Variants in MYO3B observed in about 807,000 individuals in gnomAD.
The protein encoded by MYO3B is myosin-IIIb.
Under a neutral mutation model 174.6 loss-of-function variants are expected in MYO3B, and 156 were observed. The observed-to-expected ratio is 0.89, with a 90% CI of 0.78 to 1.02. MYO3B has a LOEUF of 1.02. Ranked by LOEUF, MYO3B falls within the 50% of genes least tolerant of loss-of-function variation. The probability of loss-of-function intolerance (pLI) is 0.00; values close to 1 mark genes in which losing one functional copy is unlikely to be tolerated. For missense variants in MYO3B, 1,632 were observed against 1,639.4 expected (o/e 1.00, Z 0.08); for synonymous variants, 563 against 569.1 (o/e 0.99, Z 0.15).
At chr2:170,399,958 G>A (rs907315613) in intron 16 of MYO3B, among the ~76,000 whole-genome samples, 3 of 152,156 alleles carry the variant, frequency 2.0e-5, no homozygotes, top group Non-Finnish European at 2.9e-5. Context: ...TGCTCATGCC[G>A]GTAAGGCCTG....
intron 25 of MYO3B, among the ~76,000 whole-genome samples, chr2:170,497,717 C>T (rs1029216807): frequency 2.0e-5 from 3 of 152,052 alleles, no homozygotes; most frequent in South Asian, 2.1e-4. Flanking sequence ...TGAATTGGTA[C>T]GCATTTCTCT....
intron 7 of MYO3B, among the ~76,000 whole-genome samples, chr2:170,238,224 T>A (rs1311499804): frequency 1.3e-5 from 2 of 152,198 alleles, no homozygotes; most frequent in Non-Finnish European, 2.9e-5. Flanking sequence ...TAAAAATGTA[T>A]CCTTTCCCCA....
In MYO3B at chr2:170,277,178, T is replaced by G. The variant is rs144813383; in HGVS notation, c.749+41042T>G. Reference sequence around the variant, plus strand: ...CAAATGAGTGCCAGAAATGCAGGGCTTCAGCAGCACCTAGAAGTCCAGGTT... The same window carrying G: ...CAAATGAGTGCCAGAAATGCAGGGCGTCAGCAGCACCTAGAAGTCCAGGTT... On this transcript the variant is annotated intron_variant, in intron 7 of 34. Transcript: ENST00000408978. Among the ~76,000 whole-genome samples, 767 of 152,318 alleles carry G rather than the reference T, an allele frequency of 5.0e-3. 4 individuals carry two copies. The Middle Eastern group carries it at 0.051, about 10-fold the overall frequency.
At position 170,465,299 on chromosome 2, in the gene MYO3B, G is replaced by T. The variant is rs115494604; in HGVS notation, c.2809-1207G>T. Among the ~76,000 whole-genome samples, 364 of 152,276 alleles carry T rather than the reference G, an allele frequency of 2.4e-3. 3 individuals are homozygous for T. The highest frequency in any genetic ancestry group is 8.3e-3 in the South Asian group (40 of 4,814). On this transcript the variant is annotated intron_variant, in intron 24 of 34. Coordinates refer to ENST00000408978, the MANE Select transcript of MYO3B (RefSeq NM_138995.5). ...GGGAGCTTTTACTCATAGAGCAGGCGTGTTACATGGCAAGAGAGGGAGGAA... is the reference window on the plus strand; with the variant it reads ...GGGAGCTTTTACTCATAGAGCAGGCTTGTTACATGGCAAGAGAGGGAGGAA...
chr2:170,294,056 T>C (rs1394216627), intron 7 of MYO3B, among the ~76,000 whole-genome samples: 1 of 152,194 alleles, frequency 6.6e-6, no homozygotes, highest in Non-Finnish European at 1.5e-5. Context: ...TGTTCAAATT[T>C]TGTAGCTTCA....
chr2:170,382,136 T>G (rs1324796072), intron 10 of MYO3B, 24 bp downstream of exon 10: 2 of 1,574,942 alleles, frequency 1.3e-6, no homozygotes, highest in African/African-American at 2.7e-5. Context: ...AGTAGACAAT[T>G]CTCATTGAAG....
intron 22 of MYO3B, among the ~76,000 whole-genome samples, chr2:170,419,438 G>T (rs2094601486): frequency 6.6e-6 from 1 of 152,082 alleles, no homozygotes; most frequent in Non-Finnish European, 1.5e-5. Flanking sequence ...AATGGATTAG[G>T]ACCCACTCTT....
intron 9 of MYO3B, among the ~76,000 whole-genome samples, chr2:170,374,011 T>A (rs140487555): frequency 1.9e-3 from 292 of 152,310 alleles, no homozygotes; most frequent in African/African-American, 6.9e-3. Context: ...AGCATCCTAT[T>A]GTAGTGAAGT....
chr2:170,420,188 A>G (rs1372759485), intron 22 of MYO3B, among the ~76,000 whole-genome samples: 2 of 152,188 alleles, frequency 1.3e-5, no homozygotes, highest in Admixed American at 6.5e-5. Context: ...GACAGTCTCA[A>G]AAAACAAACA....
chr2:170,510,541 A>G (rs1032983850), intron 28 of MYO3B, among the ~76,000 whole-genome samples: 32 of 152,196 alleles, frequency 2.1e-4, no homozygotes, highest in Admixed American at 1.0e-3. Context: ...ATTCATGTCC[A>G]TTCAGAACCT....
chr2:170,540,978 A>T (rs1690067718), intron 30 of MYO3B, among the ~76,000 whole-genome samples: 1 of 152,180 alleles, frequency 6.6e-6, no homozygotes, highest in South Asian at 2.1e-4. Flanking sequence ...TTGCCTGTAG[A>T]CACTACTCCC....
At chr2:170,310,172 A>G (rs1253429588) in intron 7 of MYO3B, among the ~76,000 whole-genome samples, 1 of 152,240 alleles carries the variant, frequency 6.6e-6, no homozygotes, top group Non-Finnish European at 1.5e-5. Flanking sequence ...TCATCCATTG[A>G]TGAACATTTG....
intron 7 of MYO3B, among the ~76,000 whole-genome samples, chr2:170,290,674 G>A (rs2883756): frequency 0.99 from 150,613 of 152,254 alleles, 74,516 homozygotes; most frequent in Middle Eastern, 1. Context: ...GACTTTTTAC[G>A]TTCAGTGTTA....
intron 22 of MYO3B, among the ~76,000 whole-genome samples, chr2:170,410,787 C>T (rs1341779195): frequency 6.6e-6 from 1 of 151,864 alleles, no homozygotes; most frequent in Non-Finnish European, 1.5e-5. Context: ...ATTTATTATG[C>T]TGTACATTTA....
chr2:170,241,720 A>T (rs1436870955), intron 7 of MYO3B, among the ~76,000 whole-genome samples: 1 of 152,136 alleles, frequency 6.6e-6, no homozygotes, highest in Non-Finnish European at 1.5e-5. Context: ...ACTGCTTGAA[A>T]TATTTGTGTG....
At chr2:170,563,334 C>T (rs1010327771) in intron 32 of MYO3B, among the ~76,000 whole-genome samples, 2 of 151,922 alleles carry the variant, frequency 1.3e-5, no homozygotes, top group African/African-American at 4.8e-5. Context: ...ACCACATACA[C>T]GTAAAGGAGC....
chr2:170,402,051 G>A (rs937032981), intron 18 of MYO3B, among the ~76,000 whole-genome samples: 8 of 152,212 alleles, frequency 5.3e-5, no homozygotes, highest in African/African-American at 1.9e-4. Context: ...GACTGAAGGA[G>A]CCACTAAGTG....
At chr2:170,352,600 G>A (rs2094083742) in intron 8 of MYO3B, among the ~76,000 whole-genome samples, 1 of 152,174 alleles carries the variant, frequency 6.6e-6, no homozygotes. Flanking sequence ...TGCGGATAGG[G>A]GTGGGAGTGG....
intron 18 of MYO3B, 108 bp downstream of exon 18, chr2:170,401,799 T>TC (rs1001844821): frequency 9.8e-7 from 1 of 1,023,524 alleles, no homozygotes. Context: ...TTTCTTTCTT[T>TC]TTCTTTTTTT....
Sources: gnomAD v4.1 joint callset for allele counts (sites outside exome capture counted in the v4.1 genomes callset) on GRCh38, gnomAD v4.1.1 for gene constraint, MANE v1.5 for transcripts, NCBI Gene and HGNC (gene_info 2026-07-23, HGNC 2026-07-21) for gene names.